The following NID2 variants were observed in gnomAD, a reference collection of about 807,000 sequenced individuals.
NID2 encodes the protein nidogen-2.
NID2 carries 83 observed loss-of-function variants against 145.4 expected under a neutral mutation model. The ratio of observed to expected loss-of-function variants is 0.57; its 90% CI spans 0.48 to 0.69. The LOEUF is 0.69. Ranked by LOEUF, NID2 falls within the 30% of genes least tolerant of loss-of-function variation. The pLI, the probability that NID2 is intolerant of heterozygous loss-of-function variation, is 0.00. For synonymous variants in NID2, 739 were observed against 701.3 expected, an observed-to-expected ratio of 1.05 and a Z score of -0.85; for missense variants, 1,807 against 1,765.7, an observed-to-expected ratio of 1.02 and a Z score of -0.42.
rs374865918 is a variant in NID2 at position 52,011,614 on chromosome 14, G to A, written c.3490C>T (p.Arg1164Trp). 210 of 1,614,158 alleles carry A rather than the reference G, an allele frequency of 1.3e-4. No homozygotes were observed. Among genetic ancestry groups the A allele is most frequent in the Admixed American group, 9.3e-4 (56 of 60,010 alleles). Residue 1164 changes from arginine to tryptophan, a missense_variant, in exon 17 of 22, where the codon CGG becomes TGG. Physicochemically the swap from Arg to Trp is moderately radical, Grantham distance 101. Coordinates refer to ENST00000216286, the MANE Select transcript of NID2 (RefSeq NM_007361.4). ...RMVYWTDVAGRTISRAGLELG... is the reference protein window; with the variant it reads ...RMVYWTDVAGWTISRAGLELG... ...TCCAGACCAGCACGGCTGATTGTCC[G>A]TCCAGCAACATCTGTCCAGTACACC... is the stretch of plus-strand genomic sequence containing the variant.
intron 9 of NID2, 22 bp downstream of exon 9, chr14:52,038,722 CCAA>C (rs751046592): frequency 2.0e-6 from 3 of 1,513,126 alleles, no homozygotes; most frequent in Non-Finnish European, 2.7e-6. Flanking sequence ...TCATTTTTAC[CCAA>C]CAACAAAAAA....
chr14:52,011,046 A>AC lies in NID2; in HGVS notation c.3551dup (p.Leu1185SerfsTer5), dbSNP rs768950908. 1 of 1,612,422 alleles carries AC rather than the reference A, an allele frequency of 6.2e-7. No homozygotes were observed. The highest frequency in any genetic ancestry group is 1.7e-5 in the Admixed American group (1 of 60,004). Reference sequence around the variant, plus strand: ...TGGCAAGTCCTTCAGGGCTTATCAGACCTGGAAATAAAGCAAAGTCAGGAC... The same window carrying AC: ...TGGCAAGTCCTTCAGGGCTTATCAGACCCTGGAAATAAAGCAAAGTCAGGAC... On this transcript the variant is annotated frameshift_variant and splice_region_variant, in exon 18 of 22. Transcript: ENST00000216286. LOFTEE classifies it high-confidence loss of function.
At position 52,028,744 on chromosome 14, in the gene NID2, T is replaced by G. The variant is rs145004311; in HGVS notation, c.2508A>C (p.Ala836=). Residue 836 remains alanine (A), a synonymous_variant, in exon 11 of 22, where the codon GCA becomes GCC. Coordinates refer to ENST00000216286, the MANE Select transcript of NID2 (RefSeq NM_007361.4). ...CACAGATGCAAGTATGCCGGTCATC[T>G]GCAAACTCATAACCACTCCGGCACT... ...RCECRSGYEF[A]DDRHTCILIT... The G allele has an allele frequency of 1.2e-5, 19 of 1,613,348 alleles. No individual in the cohort carries two copies. The highest frequency in any genetic ancestry group is 8.4e-5 in the Admixed American group (5 of 59,876).
rs146579786 is a variant in NID2 at position 52,042,229 on chromosome 14, C to A, written c.1701G>T (p.Thr567=). The A allele has an allele frequency of 2.4e-4, 381 of 1,614,006 alleles. No individual in the cohort carries two copies. Among genetic ancestry groups the A allele is most frequent in the Non-Finnish European group, 3.0e-4 (350 of 1,180,022 alleles). Reference sequence around the variant, plus strand: ...CTGGCTGTGGGATGTGGCTGATGGCCGTGTAGGCTCTGCCATCATTGCCCA... The same window carrying A: ...CTGGCTGTGGGATGTGGCTGATGGCAGTGTAGGCTCTGCCATCATTGCCCA... The part of the protein sequence containing the change: ...YIVGNDGRAY[T]AISHIPQPAA... Residue 567 remains threonine (T), a synonymous_variant, in exon 7 of 22, where the codon ACG becomes ACT. Coordinates refer to ENST00000216286, the MANE Select transcript of NID2 (RefSeq NM_007361.4).
intron 9 of NID2, among the ~76,000 whole-genome samples, chr14:52,037,092 A>G (rs777304256): frequency 3.9e-5 from 6 of 152,176 alleles, no homozygotes; most frequent in Non-Finnish European, 8.8e-5. Context: ...TTTTCTTCTA[A>G]AAGTTTTAAC....
chr14:52,014,873 C>G (rs1411874553), intron 15 of NID2, among the ~76,000 whole-genome samples, 181 bp downstream of exon 15: 1 of 152,112 alleles, frequency 6.6e-6, no homozygotes, highest in East Asian at 1.9e-4. Context: ...ATGACAAAAA[C>G]CAGACACCAA....
At chr14:52,057,539 C>A (rs756671018) in intron 3 of NID2, among the ~76,000 whole-genome samples, 2 of 151,390 alleles carry the variant, frequency 1.3e-5, no homozygotes, top group African/African-American at 4.9e-5. Context: ...CCAGTCTCTA[C>A]GAAAAATACA....
At chr14:52,016,080 C>T (rs1891206751) in intron 14 of NID2, among the ~76,000 whole-genome samples, 1 of 152,174 alleles carries the variant, frequency 6.6e-6, no homozygotes, top group South Asian at 2.1e-4. Flanking sequence ...CTCTTGTCCC[C>T]TCCCTCACAG....
At chr14:52,016,858 A>C (rs1891229513) in intron 14 of NID2, among the ~76,000 whole-genome samples, 1 of 152,228 alleles carries the variant, frequency 6.6e-6, no homozygotes, top group Non-Finnish European at 1.5e-5. Flanking sequence ...CTCTTGGAAC[A>C]CAAAAGACTG....
chr14:52,058,396 T>A (rs1021412334), intron 3 of NID2, among the ~76,000 whole-genome samples: 8 of 152,256 alleles, frequency 5.3e-5, no homozygotes, highest in African/African-American at 1.9e-4. Flanking sequence ...TCTGCATTGC[T>A]TGTACTTTAT....
intron 5 of NID2, among the ~76,000 whole-genome samples, chr14:52,044,389 C>T (rs1209255084): frequency 6.9e-6 from 1 of 144,078 alleles, no homozygotes; most frequent in Non-Finnish European, 1.5e-5. Flanking sequence ...CTTGCCTCAG[C>T]CTCCTGAGTA....
At chr14:52,006,462 C>T in intron 20 of NID2, 75 bp downstream of exon 20, 3 of 1,575,266 alleles carry the variant, frequency 1.9e-6, no homozygotes, top group Admixed American at 3.5e-5. Context: ...CAGGTACTGA[C>T]TTTTGGTAAA....
At chr14:52,042,715 A>G in intron 6 of NID2, 67 bp downstream of exon 6, 3 of 1,520,356 alleles carry the variant, frequency 2.0e-6, no homozygotes, top group Non-Finnish European at 2.7e-6. Context: ...CAGAGCTCAC[A>G]GTGGTAGCTG....
intron 21 of NID2, 92 bp from the exon 22 acceptor site, chr14:52,005,588 T>G (rs1890742205): frequency 6.7e-7 from 1 of 1,499,886 alleles, no homozygotes; most frequent in Admixed American, 1.8e-5. Flanking sequence ...GTGTATAAAC[T>G]AGGTAGATTT....
chr14:52,006,315 G>A (rs1890779967), intron 20 of NID2: 2 of 515,766 alleles, frequency 3.9e-6, no homozygotes, highest in Non-Finnish European at 7.0e-6. Context: ...CTATATGTGA[G>A]CAATACCATT....
At chr14:52,067,760 G>T in intron 2 of NID2, 98 bp downstream of exon 2, 1 of 1,396,712 alleles carries the variant, frequency 7.2e-7, no homozygotes, top group Non-Finnish European at 1.0e-6. Context: ...CGCAAGAGTA[G>T]GCTCAGAAAC....
intron 19 of NID2, chr14:52,007,494 C>G: frequency 3.2e-6 from 1 of 316,290 alleles, no homozygotes; most frequent in South Asian, 3.4e-5. Flanking sequence ...TGACCCTCTC[C>G]CCGCATAAGA....
intron 14 of NID2, among the ~76,000 whole-genome samples, chr14:52,018,686 A>G (rs567446689): frequency 6.6e-6 from 1 of 152,356 alleles, no homozygotes; most frequent in South Asian, 2.1e-4. Context: ...GTTACATAGG[A>G]AAGCAGTTTT....
In NID2 at chr14:52,038,958, G is replaced by A. The variant is rs1892177319; in HGVS notation, c.2046C>T (p.Ser682=). The change falls in exon 9 of 22, where the codon TCC becomes TCT. Residue 682 remains serine, a synonymous_variant. Transcript: ENST00000216286. ...CACCAAAAGTCAGAGAGTAGTCTCTGGAACTTGTAGAGGTCACAGCTGCAA... is the reference window on the plus strand; with the variant it reads ...CACCAAAAGTCAGAGAGTAGTCTCTAGAACTTGTAGAGGTCACAGCTGCAA... ...YSDSTVTSTS[S]RDYSLTFGAI... The A allele has an allele frequency of 1.2e-6, 2 of 1,612,800 alleles. No individual in the cohort carries two copies. Among genetic ancestry groups the A allele is most frequent in the South Asian group, 1.1e-5 (1 of 90,754 alleles).
Sources: gnomAD v4.1 joint callset for allele counts (sites outside exome capture counted in the v4.1 genomes callset) on GRCh38, gnomAD v4.1.1 for gene constraint, MANE v1.5 for transcripts, NCBI Gene and HGNC (gene_info 2026-07-23, HGNC 2026-07-21) for gene names.